The following GRID2 variants were observed in gnomAD, a reference collection of about 807,000 sequenced individuals.
GRID2 encodes glutamate ionotropic receptor delta type subunit 2.
In GRID2, 33 loss-of-function variants were observed where a neutral mutation model predicts 114.8. That is an observed-to-expected ratio of 0.29 (90% CI 0.22 to 0.38). GRID2 has a LOEUF of 0.38. Ranked by LOEUF, GRID2 falls within the 10% of genes least tolerant of loss-of-function variation. GRID2 has a pLI of 1.00. For synonymous variants in GRID2, 505 were observed against 449.9 expected, an observed-to-expected ratio of 1.12 and a Z score of -1.55; for missense variants, 1,184 against 1,257.7, an observed-to-expected ratio of 0.94 and a Z score of 0.89.
chr4:93,169,063 G>A (rs995629689), intron 4 of GRID2, among the ~76,000 whole-genome samples: 1 of 151,462 alleles, frequency 6.6e-6, no homozygotes, highest in South Asian at 2.1e-4. Flanking sequence ...TTAAAAAACA[G>A]TGAATAAAAA....
In GRID2 at chr4:93,371,998, G is replaced by A. The variant is rs1390006425; in HGVS notation, c.1246-23609G>A. The stretch of plus-strand genomic sequence containing the variant: ...CTTGACCTCATGATCTGCCAGCCTC[G>A]GCCTCCCAAAGTGCTGGGATTACAG... On this transcript the variant is annotated intron_variant, in intron 8 of 15. Coordinates refer to ENST00000282020, the MANE Select transcript of GRID2 (RefSeq NM_001510.4). Among the ~76,000 whole-genome samples, 2 of 151,712 alleles carry A rather than the reference G, an allele frequency of 1.3e-5. 1 individual carries two copies. The highest frequency in any genetic ancestry group is 4.2e-4 in the South Asian group (2 of 4,804).
intron 4 of GRID2, among the ~76,000 whole-genome samples, chr4:93,174,901 G>A (rs1338212811): frequency 6.6e-6 from 1 of 152,004 alleles, no homozygotes; most frequent in South Asian, 2.1e-4. Flanking sequence ...TCCAGTTTGG[G>A]GCTGTTATGA....
At chr4:92,579,214 A>G (rs1490938390) in intron 1 of GRID2, among the ~76,000 whole-genome samples, 2 of 152,138 alleles carry the variant, frequency 1.3e-5, no homozygotes, top group Non-Finnish European at 2.9e-5. Flanking sequence ...ATCAAGTTCC[A>G]TAAGTAAACA....
At position 92,835,480 on chromosome 4, in the gene GRID2, G is replaced by T. The variant is rs534237680; in HGVS notation, c.244+245194G>T. Among the ~76,000 whole-genome samples the T allele has an allele frequency of 5.9e-5, 9 of 152,244 alleles. No individual in the cohort carries two copies. In the South Asian group the frequency reaches 1.7e-3, roughly 28 times the overall value. Reference sequence around the variant, plus strand: ...AAGTTCTGGTTCAGGAAATTCTACAGATAATGCTTATGCTGTTTCTCATAC... The same window carrying T: ...AAGTTCTGGTTCAGGAAATTCTACATATAATGCTTATGCTGTTTCTCATAC... On this transcript the variant is annotated intron_variant, in intron 2 of 15. Transcript: ENST00000282020.
At chr4:92,369,231 C>G (rs1729007890) in intron 1 of GRID2, among the ~76,000 whole-genome samples, 1 of 152,046 alleles carries the variant, frequency 6.6e-6, no homozygotes, top group African/African-American at 2.4e-5. Flanking sequence ...GACTTTCTAT[C>G]ATTTTAAAGA....
At position 92,604,703 on chromosome 4, in the gene GRID2, T is replaced by A. The variant is rs1192329504; in HGVS notation, c.244+14417T>A. Among the ~76,000 whole-genome samples the A allele has an allele frequency of 2.6e-5, 4 of 152,070 alleles. No homozygotes were observed. In the South Asian group the frequency reaches 6.2e-4, roughly 24 times the overall value. ...GAACTTAAAATAAAATATTTTTTAA[T>A]CCTATTTATTATGTCTGACAAAATG... On this transcript the variant is annotated intron_variant, in intron 2 of 15. Coordinates refer to ENST00000282020, the MANE Select transcript of GRID2 (RefSeq NM_001510.4).
intron 2 of GRID2, among the ~76,000 whole-genome samples, chr4:92,866,804 G>A (rs892769962): frequency 6.6e-6 from 1 of 151,952 alleles, no homozygotes; most frequent in Non-Finnish European, 1.5e-5. Flanking sequence ...TCCCACCTCG[G>A]CCTCCCCAAG....
intron 1 of GRID2, among the ~76,000 whole-genome samples, chr4:92,305,463 A>G (rs1725332790): frequency 6.6e-6 from 1 of 152,026 alleles, no homozygotes; most frequent in African/African-American, 2.4e-5. Flanking sequence ...CGCTTGGGAA[A>G]CGCGGGGAAG....
At chr4:93,164,138 C>T (rs749991196) in intron 4 of GRID2, among the ~76,000 whole-genome samples, 21 of 150,238 alleles carry the variant, frequency 1.4e-4, no homozygotes, top group Middle Eastern at 3.4e-3. Context: ...GTGTGACAGG[C>T]GAAAAACCAA....
intron 2 of GRID2, among the ~76,000 whole-genome samples, chr4:92,652,881 A>AATATATTTATAAAAACATATAAAT (rs1732020461): frequency 1.6e-5 from 2 of 121,352 alleles, no homozygotes; most frequent in East Asian, 2.5e-4. Context: ...AATATATAAA[A>AATATATTTATAAAAACATATAAAT]ATATATTTAT....
intron 13 of GRID2, among the ~76,000 whole-genome samples, chr4:93,553,028 A>G (rs1458785998): frequency 6.6e-6 from 1 of 152,016 alleles, no homozygotes; most frequent in Non-Finnish European, 1.5e-5. Flanking sequence ...TATCCAGTCT[A>G]TTATTGATGG....
At chr4:92,670,018 G>A (rs1732980646) in intron 2 of GRID2, among the ~76,000 whole-genome samples, 1 of 151,922 alleles carries the variant, frequency 6.6e-6, no homozygotes, top group African/African-American at 2.4e-5. Flanking sequence ...TTGATGAGGA[G>A]GCTGGTTGCA....
At chr4:93,733,632 A>G (rs551087690) in intron 14 of GRID2, among the ~76,000 whole-genome samples, 3 of 152,078 alleles carry the variant, frequency 2.0e-5, no homozygotes, top group Non-Finnish European at 4.4e-5. Flanking sequence ...AGACTTCCTC[A>G]AATCCCAAAC....
At chr4:92,993,005 C>T (rs1248900066) in intron 2 of GRID2, among the ~76,000 whole-genome samples, 2 of 152,044 alleles carry the variant, frequency 1.3e-5, no homozygotes, top group Non-Finnish European at 2.9e-5. Context: ...ACTGGCTTCA[C>T]TCTGCAGCAT....
intron 1 of GRID2, among the ~76,000 whole-genome samples, chr4:92,485,348 A>ATATATAGT (rs1457659903): frequency 2.0e-5 from 1 of 49,514 alleles, no homozygotes; most frequent in Non-Finnish European, 4.1e-5. Context: ...ATATATATAT[A>ATATATAGT]GTGTGTGTGT....
At chr4:92,516,563 T>G (rs1285687231) in intron 1 of GRID2, among the ~76,000 whole-genome samples, 1 of 151,872 alleles carries the variant, frequency 6.6e-6, no homozygotes, top group African/African-American at 2.4e-5. Flanking sequence ...TGCTCTATAT[T>G]TAAGCTCAGA....
intron 1 of GRID2, among the ~76,000 whole-genome samples, chr4:92,512,040 C>G (rs1024412834): frequency 1.5e-5 from 2 of 136,178 alleles, no homozygotes; most frequent in Admixed American, 7.5e-5. Flanking sequence ...AAGACAATGA[C>G]CATTCTATTT....
intron 2 of GRID2, among the ~76,000 whole-genome samples, chr4:92,713,476 C>CATATACATATAT (rs1553919724): frequency 5.6e-5 from 3 of 54,040 alleles, no homozygotes; most frequent in African/African-American, 7.1e-5. Context: ...TATACATATA[C>CATATACATATAT]ATATATATAT....
intron 2 of GRID2, among the ~76,000 whole-genome samples, chr4:93,016,913 T>G (rs1722803259): frequency 6.6e-6 from 1 of 152,188 alleles, no homozygotes; most frequent in Admixed American, 6.5e-5. Flanking sequence ...CTTGAGTAGC[T>G]AAAACCGTTG....
Sources: allele counts gnomAD v4.1 joint callset (sites outside exome capture counted in the v4.1 genomes callset), GRCh38; gene constraint gnomAD v4.1.1; transcripts MANE v1.5; gene names NCBI Gene and HGNC (gene_info 2026-07-23, HGNC 2026-07-21).